LINC00237: variants seen among roughly 807,000 people sequenced by gnomAD.
The protein encoded by LINC00237 is long intergenic non-protein coding RNA 237.
intron 1 of LINC00237, among the ~76,000 whole-genome samples, chr20:21,099,489 C>G (rs573909938): frequency 6.6e-6 from 1 of 152,120 alleles, no homozygotes; most frequent in Non-Finnish European, 1.5e-5. Context: ...CAATTTCAAT[C>G]CATGATCTTT....
chr20:21,105,777 C>A (rs1255115157), intron 1 of LINC00237, among the ~76,000 whole-genome samples: 2 of 152,348 alleles, frequency 1.3e-5, no homozygotes, highest in East Asian at 3.9e-4. Flanking sequence ...CTCTCTGCCT[C>A]CCCGCAGCTT....
At chr20:21,099,401 T>G (rs2030900877) in intron 1 of LINC00237, among the ~76,000 whole-genome samples, 1 of 152,206 alleles carries the variant, frequency 6.6e-6, no homozygotes, top group Non-Finnish European at 1.5e-5. Flanking sequence ...GGTCTCCCTG[T>G]AGCCCACCTA....
chr20:21,086,303 A>C (rs534552667), intron 3 of LINC00237, among the ~76,000 whole-genome samples: 1 of 152,028 alleles, frequency 6.6e-6, no homozygotes, highest in Non-Finnish European at 1.5e-5. Flanking sequence ...ACAATATTGC[A>C]ATCAAAATGT....
chr20:21,102,545 G>C (rs890533753), intron 1 of LINC00237, among the ~76,000 whole-genome samples: 1 of 152,186 alleles, frequency 6.6e-6, no homozygotes, highest in Non-Finnish European at 1.5e-5. Context: ...TCTGGAGAGA[G>C]AGAATTTAAC....
chr20:21,092,364 A>G (rs1423873185), intron 2 of LINC00237, among the ~76,000 whole-genome samples: 3 of 152,188 alleles, frequency 2.0e-5, no homozygotes, highest in Non-Finnish European at 2.9e-5. Flanking sequence ...CAAAAAGGGT[A>G]ACTTTCAATA....
chr20:21,103,795 C>A (rs1363207576), intron 1 of LINC00237, among the ~76,000 whole-genome samples: 2 of 152,178 alleles, frequency 1.3e-5, no homozygotes, highest in Non-Finnish European at 2.9e-5. Context: ...GCGAACAATG[C>A]CACCCCACGC....
chr20:21,094,769 T>C (rs1382039011), intron 1 of LINC00237, among the ~76,000 whole-genome samples: 2 of 151,952 alleles, frequency 1.3e-5, no homozygotes, highest in East Asian at 1.9e-4. Flanking sequence ...AAATAAATAG[T>C]CTGGGCACAA....
chr20:21,103,028 C>A (rs560368027), intron 1 of LINC00237, among the ~76,000 whole-genome samples: 52 of 152,290 alleles, frequency 3.4e-4, no homozygotes, highest in African/African-American at 1.2e-3. Context: ...ACGTCGCGAC[C>A]GGCAGGCCTG....
chr20:21,093,332 G>A (rs2030815860), intron 2 of LINC00237: 1 of 152,180 alleles, frequency 6.6e-6, no homozygotes, highest in African/African-American at 2.4e-5. Flanking sequence ...CATATTCGGG[G>A]AGCTGTAGAA....
intron 1 of LINC00237, among the ~76,000 whole-genome samples, chr20:21,096,824 G>T (rs891576079): frequency 2.0e-5 from 3 of 152,120 alleles, no homozygotes; most frequent in African/African-American, 7.2e-5. Flanking sequence ...GGACTTTGTG[G>T]CCAAAGCAAA....
intron 2 of LINC00237, among the ~76,000 whole-genome samples, chr20:21,088,564 T>G (rs2030745220): frequency 6.6e-6 from 1 of 152,176 alleles, no homozygotes; most frequent in East Asian, 1.9e-4. Context: ...ATAACAGCAA[T>G]AGAAAAGGTA....
At chr20:21,098,299 A>T (rs1397296476) in intron 1 of LINC00237, among the ~76,000 whole-genome samples, 1 of 152,228 alleles carries the variant, frequency 6.6e-6, no homozygotes, top group Admixed American at 6.5e-5. Context: ...CCCAATCATA[A>T]ATAGCAGAGA....
In LINC00237 at chr20:21,105,078, C is replaced by A. The variant is rs1381083853; in HGVS notation, n.88+1193G>T. Among the ~76,000 whole-genome samples, 3 of 152,332 alleles carry A rather than the reference C, an allele frequency of 2.0e-5. 1 individual carries two copies. In the East Asian group the frequency reaches 5.8e-4, roughly 29 times the overall value. On this transcript the variant is annotated intron_variant and non_coding_transcript_variant, in intron 1 of 3. Transcript: ENST00000691244. ...ACCTGGAGCCCGAAGCACCGGACACCAGGCGCGCCGTTCTGGCGCTCTGCA... is the reference window on the plus strand; with the variant it reads ...ACCTGGAGCCCGAAGCACCGGACACAAGGCGCGCCGTTCTGGCGCTCTGCA...
chr20:21,100,679 A>G (rs1459157144), intron 1 of LINC00237, among the ~76,000 whole-genome samples: 1 of 152,200 alleles, frequency 6.6e-6, no homozygotes, highest in African/African-American at 2.4e-5. Flanking sequence ...GTGGGCCGAA[A>G]TAAGATTTAA....
At chr20:21,086,800 A>C (rs1403340794) in intron 3 of LINC00237, among the ~76,000 whole-genome samples, 1 of 125,730 alleles carries the variant, frequency 8.0e-6, no homozygotes, top group Non-Finnish European at 1.6e-5. Flanking sequence ...TACATATACT[A>C]TATATATGTA....
intron 1 of LINC00237, among the ~76,000 whole-genome samples, chr20:21,095,803 C>T (rs1485978256): frequency 2.0e-5 from 3 of 152,176 alleles, no homozygotes; most frequent in Admixed American, 1.3e-4. Context: ...TGTTTCATTG[C>T]CTGGGAACTT....
intron 1 of LINC00237, among the ~76,000 whole-genome samples, chr20:21,098,849 C>T (rs2030892584): frequency 3.9e-5 from 6 of 152,230 alleles, no homozygotes; most frequent in Admixed American, 3.9e-4. Flanking sequence ...AACAGAGCTG[C>T]AATGTGCAGG....
chr20:21,098,198 A>G (rs1011288094), intron 1 of LINC00237, among the ~76,000 whole-genome samples: 1 of 152,230 alleles, frequency 6.6e-6, no homozygotes, highest in Non-Finnish European at 1.5e-5. Flanking sequence ...AAAATGTTCC[A>G]TTTAAGAAAA....
At chr20:21,103,368 A>C (rs6035783) in intron 1 of LINC00237, among the ~76,000 whole-genome samples, 1 of 152,030 alleles carries the variant, frequency 6.6e-6, no homozygotes, top group Non-Finnish European at 1.5e-5. Context: ...AGATGGCTGG[A>C]TGCCTTTGCC....
Sources: gnomAD v4.1 joint callset for allele counts (sites outside exome capture counted in the v4.1 genomes callset) on GRCh38, gnomAD v4.1.1 for gene constraint, MANE v1.5 for transcripts, NCBI Gene and HGNC (gene_info 2026-07-23, HGNC 2026-07-21) for gene names.